The following ZNF469 variants were observed in gnomAD, a reference collection of about 807,000 sequenced individuals.
ZNF469 encodes zinc finger protein 469.
Under a neutral mutation model 1.0 loss-of-function variants are expected in ZNF469, and 1 was observed. That is an observed-to-expected ratio of 1.00 (90% CI 0.35 to 4.73). The LOEUF is 4.73. ZNF469 is among the 30% of genes most tolerant of loss of function. The pLI is 0.16. For synonymous variants in ZNF469, 2,703 were observed against 2,363.4 expected, an observed-to-expected ratio of 1.14 and a Z score of -4.17; for missense variants, 6,100 against 5,356.3, an observed-to-expected ratio of 1.14 and a Z score of -4.33.
the ZNF469 span, among the ~76,000 whole-genome samples, chr16:88,202,653 A>G: frequency 6.6e-6 from 1 of 152,120 alleles, no homozygotes; most frequent in African/African-American, 2.4e-5. Context: ...TTTCTGGAAG[A>G]GACCTTAGGA....
chr16:88,239,171 G>A, the ZNF469 span, among the ~76,000 whole-genome samples: 16 of 152,248 alleles, frequency 1.1e-4, no homozygotes, highest in African/African-American at 3.1e-4. Context: ...GGGTTGTGCC[G>A]AAGTCTCTGC....
chr16:88,154,004 C>T, the ZNF469 span, among the ~76,000 whole-genome samples: 1 of 152,128 alleles, frequency 6.6e-6, no homozygotes, highest in African/African-American at 2.4e-5. Flanking sequence ...AATTAAGCCT[C>T]AAGGTATGAA....
At chr16:88,420,161 T>C (rs1905415558) in intron 1 of ZNF469, among the ~76,000 whole-genome samples, 1 of 151,916 alleles carries the variant, frequency 6.6e-6, no homozygotes. Flanking sequence ...CTCCCGCAGC[T>C]CCCCCTCGCC....
At chr16:88,359,334 C>G in the ZNF469 span, among the ~76,000 whole-genome samples, 6 of 151,946 alleles carry the variant, frequency 3.9e-5, no homozygotes, top group South Asian at 1.2e-3. Flanking sequence ...TTGCTATTGT[C>G]TGCTTCTGAG....
rs946989534 is a variant in ZNF469 at position 88,436,832 on chromosome 16, T to C, written c.9362T>C (p.Phe3121Ser). ...RRASYKCKVCFQRFRSLGELD... is the reference protein window; with the variant it reads ...RRASYKCKVCSQRFRSLGELD... Reference sequence around the variant, plus strand: ...GCCTCCTACAAGTGCAAAGTGTGCTTCCAGCGCTTCCGCAGCCTGGGCGAG... The same window carrying C: ...GCCTCCTACAAGTGCAAAGTGTGCTCCCAGCGCTTCCGCAGCCTGGGCGAG... Residue 3121 changes from phenylalanine (F) to serine (S), a missense_variant, in exon 3 of 3, where the codon TTC becomes TCC. Transcript: ENST00000565624. The C allele has an allele frequency of 5.2e-6, 8 of 1,535,500 alleles. No individual in the cohort carries two copies. The highest frequency in any genetic ancestry group is 6.1e-6 in the Non-Finnish European group (7 of 1,144,642).
chr16:88,207,635 A>C, the ZNF469 span, among the ~76,000 whole-genome samples: 1 of 151,158 alleles, frequency 6.6e-6, no homozygotes, highest in African/African-American at 2.4e-5. Flanking sequence ...TCCCCTAGAC[A>C]TAACCAAGGT....
At chr16:88,239,760 C>T in the ZNF469 span, among the ~76,000 whole-genome samples, 1 of 123,740 alleles carries the variant, frequency 8.1e-6, no homozygotes, top group Admixed American at 9.5e-5. Context: ...CAGGGTTTCA[C>T]TGTGTTAGCC....
At chr16:88,140,793 C>T in the ZNF469 span, among the ~76,000 whole-genome samples, 126 of 152,216 alleles carry the variant, frequency 8.3e-4, no homozygotes, top group African/African-American at 1.9e-3. Flanking sequence ...GTTAGCCGGG[C>T]GTGGTGGCGG....
At chr16:88,393,097 G>C (rs1428030201) in intron 1 of ZNF469, among the ~76,000 whole-genome samples, 1 of 152,286 alleles carries the variant, frequency 6.6e-6, no homozygotes, top group African/African-American at 2.4e-5. Flanking sequence ...GGCCTGGCAG[G>C]AAGCTGACCT....
chr16:88,374,073 G>A, the ZNF469 span, among the ~76,000 whole-genome samples: 1 of 152,214 alleles, frequency 6.6e-6, no homozygotes. Context: ...AACGTAGTGT[G>A]TGGTGAGGAA....
At chr16:88,393,994 G>A (rs1055474217) in intron 1 of ZNF469, among the ~76,000 whole-genome samples, 1 of 152,158 alleles carries the variant, frequency 6.6e-6, no homozygotes, top group Admixed American at 6.5e-5. Flanking sequence ...TGTGCTATCC[G>A]AGAGGAGCGG....
the ZNF469 span, among the ~76,000 whole-genome samples, chr16:88,360,651 C>T: frequency 2.4e-5 from 3 of 127,028 alleles, no homozygotes; most frequent in South Asian, 2.9e-4. Flanking sequence ...ACAGCGCCCG[C>T]GTGCTCCCTC....
the ZNF469 span, among the ~76,000 whole-genome samples, chr16:88,130,585 A>G: frequency 7.8e-4 from 119 of 151,872 alleles, no homozygotes; most frequent in Non-Finnish European, 2.5e-4. Context: ...AGGTGCCTGT[A>G]GTCCCAGCTA....
the ZNF469 span, among the ~76,000 whole-genome samples, chr16:88,335,133 C>G: frequency 6.6e-6 from 1 of 152,216 alleles, no homozygotes; most frequent in African/African-American, 2.4e-5. Context: ...GACTCGCAGT[C>G]TCCGGGGCTG....
At chr16:88,231,423 G>T in the ZNF469 span, among the ~76,000 whole-genome samples, 1 of 152,266 alleles carries the variant, frequency 6.6e-6, no homozygotes, top group African/African-American at 2.4e-5. This position sits in a 1 kb window ranked among gnomAD's most constrained non-coding sequence, Gnocchi z 4.5. Flanking sequence ...GAGGACAGGT[G>T]TGTCAGTGCC....
the ZNF469 span, among the ~76,000 whole-genome samples, chr16:88,223,771 A>G: frequency 6.6e-6 from 1 of 152,236 alleles, no homozygotes; most frequent in Non-Finnish European, 1.5e-5. Context: ...GTCCTTCCAC[A>G]GCACTCATCT....
chr16:88,437,043 C>T lies in ZNF469; in HGVS notation c.9573C>T (p.Asn3191=), dbSNP rs1906635404. ...LKEVADVWMY[N]EHLREHAVRF... is the part of the protein sequence containing the mutation. ...AGGTGGCCGACGTCTGGATGTACAA[C>T]GAGCACCTGCGTGAGCACGCGGTCC... Residue 3191 remains asparagine, a synonymous_variant, in exon 3 of 3, where the codon AAC becomes AAT. Transcript: ENST00000565624. 1.3e-6 allele frequency: 2 copies of T among 1,534,130 alleles called. No individual in the cohort carries two copies. The highest frequency in any genetic ancestry group is 1.8e-6 in the Non-Finnish European group (2 of 1,142,170).
chr16:88,194,578 C>G, the ZNF469 span: 3 of 152,280 alleles, frequency 2.0e-5, no homozygotes, highest in African/African-American at 7.2e-5. Flanking sequence ...CTGCGTGGCC[C>G]TTCCCGGTCC....
chr16:88,400,242 C>T (rs761854504), intron 1 of ZNF469, among the ~76,000 whole-genome samples: 3 of 152,246 alleles, frequency 2.0e-5, no homozygotes, highest in Non-Finnish European at 4.4e-5. Flanking sequence ...TGCCCTAGCT[C>T]ACACGGGACC....
Sources: gnomAD v4.1 joint callset for allele counts (sites outside exome capture counted in the v4.1 genomes callset) on GRCh38, gnomAD v4.1.1 for gene constraint, Gnocchi (gnomAD v3.1) non-coding constraint, MANE v1.5 for transcripts, NCBI Gene and HGNC (gene_info 2026-07-23, HGNC 2026-07-21) for gene names.